VPS8: variants seen among roughly 807,000 people sequenced by gnomAD.
VPS8 encodes the protein vacuolar protein sorting-associated protein 8 homolog.
A neutral mutation model predicts 216.4 loss-of-function variants in VPS8; 129 were observed. That is an observed-to-expected ratio of 0.60 (90% confidence interval 0.52 to 0.69). VPS8 has a LOEUF of 0.69. VPS8 is among the 30% of genes least tolerant of loss of function. The pLI is 0.00. For missense variants in VPS8, 1,531 were observed against 1,683.5 expected (o/e 0.91, Z 1.59); for synonymous variants, 571 against 565.4 (o/e 1.01, Z -0.14).
chr3:184,838,604 C>T (rs1721551407), intron 5 of VPS8, 110 bp from the exon 6 acceptor site: 2 of 863,626 alleles, frequency 2.3e-6, no homozygotes, highest in Middle Eastern at 2.7e-4. Context: ...AAGGTTCTAC[C>T]TCTAATCTAA....
chr3:184,942,966 C>G (rs534331153), intron 36 of VPS8, among the ~76,000 whole-genome samples: 1 of 152,216 alleles, frequency 6.6e-6, no homozygotes, highest in East Asian at 1.9e-4. Flanking sequence ...CCCTTTCTTG[C>G]TTTGAGAGTG....
chr3:185,036,373 A>G (rs1758886436), intron 46 of VPS8, among the ~76,000 whole-genome samples: 2 of 152,194 alleles, frequency 1.3e-5, no homozygotes, highest in Non-Finnish European at 1.5e-5. Flanking sequence ...CTATAAAGCC[A>G]CAGTAACCAA....
At chr3:184,957,933 A>C (rs1745894372) in intron 37 of VPS8, among the ~76,000 whole-genome samples, 1 of 152,238 alleles carries the variant, frequency 6.6e-6, no homozygotes, top group African/African-American at 2.4e-5. Flanking sequence ...TCTCCGGGCC[A>C]ATAAGCAAGT....
intron 25 of VPS8, among the ~76,000 whole-genome samples, chr3:184,904,558 T>A (rs1281932887): frequency 6.6e-6 from 1 of 152,226 alleles, no homozygotes; most frequent in Admixed American, 6.5e-5. Context: ...TGGTATATAA[T>A]CTTTTAAATA....
At chr3:184,889,789 C>T (rs1237639736) in intron 22 of VPS8, among the ~76,000 whole-genome samples, 1 of 152,114 alleles carries the variant, frequency 6.6e-6, no homozygotes, top group Non-Finnish European at 1.5e-5. Context: ...GTTTGCTTCT[C>T]ACCATACTGG....
chr3:185,026,198 AAAT>A (rs1367076341), intron 46 of VPS8, among the ~76,000 whole-genome samples: 5 of 152,196 alleles, frequency 3.3e-5, no homozygotes, highest in Non-Finnish European at 5.9e-5. Context: ...ATGATAAAAA[AAAT>A]AATGATACAA....
At chr3:185,033,381 T>C (rs1758445212) in intron 46 of VPS8, among the ~76,000 whole-genome samples, 1 of 152,256 alleles carries the variant, frequency 6.6e-6, no homozygotes, top group Non-Finnish European at 1.5e-5. Flanking sequence ...TCGCATAGTA[T>C]ATAGGCTTTC....
chr3:184,861,345 GAAAAAGTGCTTTTTCCTCAACTTGATAAC>G (rs1468735421), intron 15 of VPS8, among the ~76,000 whole-genome samples: 1 of 152,104 alleles, frequency 6.6e-6, no homozygotes, highest in African/African-American at 2.4e-5. Flanking sequence ...TAAAAAGAAT[GAAAAAGTGCTTTTTCCTCAACTTGATAAC>G]TGTAATTTTT....
At chr3:185,006,665 A>G (rs1308931151) in intron 45 of VPS8, among the ~76,000 whole-genome samples, 8 of 152,180 alleles carry the variant, frequency 5.3e-5, no homozygotes, top group Admixed American at 4.6e-4. Context: ...TCCTTTAAAA[A>G]TCCGTCATCC....
intron 21 of VPS8, among the ~76,000 whole-genome samples, chr3:184,871,303 T>G (rs1484375936): frequency 8.6e-5 from 13 of 151,530 alleles, no homozygotes; most frequent in Non-Finnish European, 5.9e-5. Flanking sequence ...AAGAACAATG[T>G]AGACGTGTAT....
chr3:184,955,292 A>G (rs1745386305), intron 36 of VPS8, among the ~76,000 whole-genome samples: 1 of 152,158 alleles, frequency 6.6e-6, no homozygotes, highest in African/African-American at 2.4e-5. Context: ...TCCTCTTTGA[A>G]GTTCGTAGTA....
chr3:184,930,493 C>T lies in VPS8; in HGVS notation c.2823C>T (p.His941=), dbSNP rs1369828022. The change falls in exon 34 of 48, where the codon CAC becomes CAT. Residue 941 remains histidine, a synonymous_variant. Transcript: ENST00000625842. The stretch of plus-strand genomic sequence containing the variant: ...AGGAAGAAGTCTTTAATTACATTCA[C>T]AATATCTTATCCATTCCCGGACACA... The part of the protein sequence containing the change: ...LREEEVFNYI[H]NILSIPGHSA... The T allele has an allele frequency of 2.5e-6, 4 of 1,612,732 alleles. No individual in the cohort carries two copies. The African/African-American group carries it at 5.3e-5, about 22-fold the overall frequency.
intron 22 of VPS8, among the ~76,000 whole-genome samples, chr3:184,888,287 C>G (rs1463218630): frequency 6.6e-6 from 1 of 152,132 alleles, no homozygotes; most frequent in African/African-American, 2.4e-5. Flanking sequence ...CGCACCCGGC[C>G]AAGAACATTA....
intron 17 of VPS8, among the ~76,000 whole-genome samples, chr3:184,867,794 C>G (rs1321579056): frequency 6.6e-6 from 1 of 152,126 alleles, no homozygotes; most frequent in Non-Finnish European, 1.5e-5. Context: ...TGCAGTAAGC[C>G]AAGATCCCGC....
chr3:184,821,716 A>G (rs376208277), intron 1 of VPS8, among the ~76,000 whole-genome samples: 2 of 152,252 alleles, frequency 1.3e-5, no homozygotes, highest in East Asian at 3.9e-4. Flanking sequence ...CCTAAGTTCT[A>G]TCAATAGAGG....
At chr3:184,918,600 A>G (rs1738032613) in intron 28 of VPS8, among the ~76,000 whole-genome samples, 1 of 152,190 alleles carries the variant, frequency 6.6e-6, no homozygotes, top group African/African-American at 2.4e-5. Flanking sequence ...CAAACTACCA[A>G]TATCTGTTTC....
Position 184,928,467 on chromosome 3 carries a change from T to C in VPS8, c.2648T>C (p.Leu883Pro), listed in dbSNP as rs772564164. 6.5e-7 allele frequency: 1 copy of C among 1,534,234 alleles called. No homozygotes were observed. The highest frequency in any genetic ancestry group is 2.4e-5 in the Admixed American group (1 of 41,032). The change falls in exon 32 of 48, where the codon CTG becomes CCG. Residue 883 changes from leucine to proline, a missense_variant. Physicochemically the swap from Leu to Pro is moderately conservative, Grantham distance 98 (BLOSUM62 -3). Around this residue, in one of 3 missense-constraint regions of VPS8, gnomAD observed 1,318 missense variants for 1,468.4 expected, o/e 0.90. Coordinates refer to ENST00000625842, the MANE Select transcript of VPS8 (RefSeq NM_001009921.3). ...SERQQVLLEL[L>P]QAGGIVQFEE... ...AATACTCAGGTCCTTTTAGAATTGC[T>C]GCAGGCTGGAGGCATAGTTCAATTT...
chr3:184,914,602 G>A (rs1402536094), intron 26 of VPS8, among the ~76,000 whole-genome samples: 9 of 152,236 alleles, frequency 5.9e-5, no homozygotes, highest in African/African-American at 1.9e-4. Flanking sequence ...ATCTGAGAAC[G>A]CCAGGCTTTT....
At chr3:184,834,190 A>AGT (rs891096353) in intron 4 of VPS8, among the ~76,000 whole-genome samples, 7 of 152,162 alleles carry the variant, frequency 4.6e-5, no homozygotes, top group Non-Finnish European at 8.8e-5. Context: ...AGGCCGGAGG[A>AGT]GTGCTCTGTA....
Sources: allele counts gnomAD v4.1 joint callset (sites outside exome capture counted in the v4.1 genomes callset), GRCh38; gene constraint gnomAD v4.1.1; regional missense constraint gnomAD v4.1.1; transcripts MANE v1.5; gene names NCBI Gene and HGNC (gene_info 2026-07-23, HGNC 2026-07-21).